The following PRORP variants were observed in gnomAD, a reference collection of about 807,000 sequenced individuals.
PRORP encodes protein only RNase P catalytic subunit.
Under a neutral mutation model 59.4 loss-of-function variants are expected in PRORP, and 51 were observed. The observed-to-expected ratio is 0.86, with a 90% CI of 0.69 to 1.08. PRORP has a LOEUF of 1.08. Among genes scored for constraint, PRORP ranks in the 50% least tolerant of loss-of-function variants. The pLI is 0.00. For synonymous variants in PRORP, 231 were observed against 245.6 expected, an observed-to-expected ratio of 0.94 and a Z score of 0.55; for missense variants, 646 against 690.3, an observed-to-expected ratio of 0.94 and a Z score of 0.72.
chr14:35,250,619 G>A (rs1196372630), intron 5 of PRORP, among the ~76,000 whole-genome samples: 3 of 152,148 alleles, frequency 2.0e-5, no homozygotes. Flanking sequence ...TCCCCCGACT[G>A]ATTCATTAAA....
intron 4 of PRORP, among the ~76,000 whole-genome samples, chr14:35,152,505 G>T (rs1244454281): frequency 1.3e-5 from 2 of 151,994 alleles, no homozygotes; most frequent in Non-Finnish European, 2.9e-5. Context: ...CAGAAGGGGC[G>T]GCCAGGCAGA....
At chr14:35,156,000 T>A (rs1040336034) in intron 4 of PRORP, among the ~76,000 whole-genome samples, 1 of 152,048 alleles carries the variant, frequency 6.6e-6, no homozygotes, top group African/African-American at 2.4e-5. Context: ...GTTATTAACA[T>A]TTTTTTTCTG....
At chr14:35,153,413 G>GAGAA (rs34871386) in intron 4 of PRORP, among the ~76,000 whole-genome samples, 5 of 151,534 alleles carry the variant, frequency 3.3e-5, no homozygotes, top group Non-Finnish European at 7.4e-5. Flanking sequence ...TGGGGAGAGA[G>GAGAA]GGATCTCTAA....
At chr14:35,145,644 TG>T (rs1260744073) in intron 4 of PRORP, among the ~76,000 whole-genome samples, 1 of 138,964 alleles carries the variant, frequency 7.2e-6, no homozygotes, top group Non-Finnish European at 1.6e-5. Flanking sequence ...TGCTTGGACC[TG>T]GGAGGCGGAG....
chr14:35,260,030 C>T (rs1164901514), intron 5 of PRORP, among the ~76,000 whole-genome samples: 1 of 91,004 alleles, frequency 1.1e-5, no homozygotes, highest in Non-Finnish European at 2.1e-5. Flanking sequence ...GGAGCTTTTC[C>T]AGATAGGGTT....
At chr14:35,166,702 CG>C (rs1167803874) in intron 4 of PRORP, among the ~76,000 whole-genome samples, 1 of 152,152 alleles carries the variant, frequency 6.6e-6, no homozygotes, top group Non-Finnish European at 1.5e-5. Context: ...CTGCCCTCCT[CG>C]GCCTCCCAAA....
At chr14:35,204,896 C>T (rs939662795) in intron 5 of PRORP, among the ~76,000 whole-genome samples, 3 of 152,154 alleles carry the variant, frequency 2.0e-5, no homozygotes, top group East Asian at 1.9e-4. Context: ...AAGAATTTCA[C>T]GTGTACCAGC....
chr14:35,220,651 G>C (rs2138440351), intron 5 of PRORP, among the ~76,000 whole-genome samples: 1 of 152,322 alleles, frequency 6.6e-6, no homozygotes, highest in Admixed American at 6.5e-5. Context: ...TCTTCCTCAT[G>C]ATAGCCATTC....
At chr14:35,172,661 T>C (rs915748569) in intron 4 of PRORP, among the ~76,000 whole-genome samples, 2 of 151,554 alleles carry the variant, frequency 1.3e-5, no homozygotes, top group African/African-American at 4.9e-5. Context: ...GCGATTCTTC[T>C]GCCTCAGCCT....
chr14:35,270,436 T>G lies in PRORP; in HGVS notation c.1460T>G (p.Leu487Arg). 3 of 1,614,128 alleles carry G rather than the reference T, an allele frequency of 1.9e-6. No homozygotes were observed. The highest frequency in any genetic ancestry group is 2.5e-6 in the Non-Finnish European group (3 of 1,180,028). ...EDDPFLLYAT[L>R]HSGNHCRFIT... ...GATCCATTCCTTCTGTATGCCACAC[T>G]GCACTCCGGGAATCACTGCAGGTTT... The change falls in exon 7 of 8, where the codon CTG becomes CGG. Residue 487 changes from leucine (L) to arginine (R), a missense_variant. Coordinates refer to ENST00000534898, the MANE Select transcript of PRORP (RefSeq NM_014672.4).
At position 35,144,537 on chromosome 14, in the gene PRORP, T is replaced by C. The variant is rs553488429; in HGVS notation, c.1167+16926T>C. On this transcript the variant is annotated intron_variant, in intron 4 of 7. Transcript: ENST00000534898. ...TTTATATCTATTTCTATATTCAGTCTGTTGTGGTATGGTATGGCGTTTTGG... is the reference window on the plus strand; with the variant it reads ...TTTATATCTATTTCTATATTCAGTCCGTTGTGGTATGGTATGGCGTTTTGG... 2 of 146,140 alleles carry C rather than the reference T, an allele frequency of 1.4e-5. 1 individual carries two copies. Among genetic ancestry groups the C allele is most frequent in the Non-Finnish European group, 3.0e-5 (2 of 65,646 alleles). The allele number at this position is 146,140 out of a possible 1,614,324, so 9.1% of individuals were successfully genotyped here. A position where few individuals can be genotyped will look rare whatever the true frequency, so the allele number is the denominator to read the frequency against.
At chr14:35,230,004 T>G (rs2050032220) in intron 5 of PRORP, among the ~76,000 whole-genome samples, 1 of 152,084 alleles carries the variant, frequency 6.6e-6, no homozygotes, top group Non-Finnish European at 1.5e-5. Flanking sequence ...ACATATTTTT[T>G]TTCTCAAGAA....
rs749418649 is a variant in PRORP, at chr14:35,126,741, T to C, written c.993T>C (p.Pro331=). 6 of 1,609,446 alleles carry C rather than the reference T, an allele frequency of 3.7e-6. No homozygotes were observed. Among genetic ancestry groups the C allele is most frequent in the Non-Finnish European group, 5.1e-6 (6 of 1,177,034 alleles). ...HSIKTWFESV[P]GKQWKGQFTT... is the part of the protein sequence containing the mutation. ...TTTTGCAATCTTTTCATAGTGTTCC[T>C]GGAAAACAATGGAAAGGACAATTCA... Residue 331 remains proline, a synonymous_variant, in exon 3 of 8, where the codon CCT becomes CCC. Coordinates refer to ENST00000534898, the MANE Select transcript of PRORP (RefSeq NM_014672.4).
Position 35,266,806 on chromosome 14 carries a change from G to A in PRORP, c.1355G>A (p.Ser452Asn). ...VLGRKHMLRR[S>N]SQWSRDEMEE... Reference sequence around the variant, plus strand: ...GGCCGGAAGCACATGCTAAGACGGAGTTCCCAGTGGAGTCGGGATGAGATG... The same window carrying A: ...GGCCGGAAGCACATGCTAAGACGGAATTCCCAGTGGAGTCGGGATGAGATG... Residue 452 changes from serine (S) to asparagine (N), a missense_variant, in exon 6 of 8, where the codon AGT (serine) becomes AAT (asparagine). Physicochemically the swap from Ser to Asn is conservative, Grantham distance 46 (BLOSUM62 1). Coordinates refer to ENST00000534898, the MANE Select transcript of PRORP (RefSeq NM_014672.4). 1 of 1,614,186 alleles carries A rather than the reference G, an allele frequency of 6.2e-7. No individual in the cohort carries two copies. The highest frequency in any genetic ancestry group is 8.5e-7 in the Non-Finnish European group (1 of 1,180,016).
intron 4 of PRORP, 138 bp from the exon 5 acceptor site, chr14:35,180,526 CTGTGTG>C (rs3058430): frequency 3.0e-5 from 16 of 538,090 alleles, no homozygotes; most frequent in African/African-American, 1.4e-4. Context: ...TGTAGAGTAT[CTGTGTG>C]TGTGTGTGTG....
chr14:35,190,392 C>G lies in PRORP; in HGVS notation c.1275+9615C>G, dbSNP rs867287681. ...CAGCCTGGGCAACAAGAGTGAAACT[C>G]TGTCTCAAAAAGGAAAAAAAAAAAA... On this transcript the variant is annotated intron_variant, in intron 5 of 7. Transcript: ENST00000534898. 3.6e-5 allele frequency among the ~76,000 whole-genome samples: 5 copies of G among 138,826 alleles called. No homozygotes were observed. In the East Asian group the frequency reaches 1.0e-3, roughly 28 times the overall value. The allele number at this position is 138,826 out of a possible 152,430, so 91.1% of individuals were successfully genotyped here.
At chr14:35,152,048 T>G (rs2047768286) in intron 4 of PRORP, among the ~76,000 whole-genome samples, 1 of 151,256 alleles carries the variant, frequency 6.6e-6, no homozygotes, top group Non-Finnish European at 1.5e-5. Flanking sequence ...TGAACAAAGG[T>G]CTCCGGTTTT....
intron 5 of PRORP, among the ~76,000 whole-genome samples, chr14:35,199,403 G>A (rs535664992): frequency 1.3e-5 from 2 of 151,198 alleles, no homozygotes; most frequent in Admixed American, 6.6e-5. Flanking sequence ...CCACATTCAT[G>A]TTGAAACTTA....
Position 35,142,932 on chromosome 14 carries a change from T to C in PRORP, c.1167+15321T>C, listed in dbSNP as rs1205164675. On this transcript the variant is annotated intron_variant, in intron 4 of 7. Transcript: ENST00000534898. The stretch of plus-strand genomic sequence containing the variant: ...CTGAGCTCAAGTGATCCTCTTGCCT[T>C]GGCTTCCCGAAGTGCTGGGATTACA... Among the ~76,000 whole-genome samples the C allele has an allele frequency of 2.8e-5, 4 of 144,866 alleles. 1 individual carries two copies. Among genetic ancestry groups the C allele is most frequent in the Admixed American group, 7.2e-5 (1 of 13,916 alleles).
Sources: allele counts gnomAD v4.1 joint callset (sites outside exome capture counted in the v4.1 genomes callset), GRCh38; gene constraint gnomAD v4.1.1; transcripts MANE v1.5; gene names NCBI Gene and HGNC (gene_info 2026-07-23, HGNC 2026-07-21).